WWOX: variants seen among roughly 807,000 people sequenced by gnomAD.
WWOX encodes WW domain containing oxidoreductase.
WWOX carries 69 observed loss-of-function variants against 46.2 expected under a neutral mutation model. The ratio of observed to expected loss-of-function variants is 1.49; its 90% confidence interval spans 1.23 to 1.82. The LOEUF is 1.82. Ranked by LOEUF, WWOX falls within the 40% of genes most tolerant of loss-of-function variation. The pLI, the probability that WWOX is intolerant of heterozygous loss-of-function variation, is 0.00. For synonymous variants in WWOX, 359 were observed against 202.6 expected (o/e 1.77, Z -6.56); for missense variants, 919 against 542.6 (o/e 1.69, Z -6.89).
intron 8 of WWOX, among the ~76,000 whole-genome samples, chr16:78,790,340 G>C (rs552063589): frequency 2.0e-5 from 3 of 151,730 alleles, no homozygotes; most frequent in African/African-American, 7.3e-5. Context: ...TCATCATGTT[G>C]GCCAGGCTGC....
At chr16:78,863,974 C>T (rs1272396613) in intron 8 of WWOX, among the ~76,000 whole-genome samples, 1 of 152,088 alleles carries the variant, frequency 6.6e-6, no homozygotes, top group Admixed American at 6.6e-5. Flanking sequence ...ATGGATATAC[C>T]AAATATTTTT....
chr16:78,208,370 G>T (rs547059554), intron 5 of WWOX, among the ~76,000 whole-genome samples: 1 of 152,002 alleles, frequency 6.6e-6, no homozygotes, highest in Non-Finnish European at 1.5e-5. Context: ...GGTCCTTTAG[G>T]AGTCATAAAA....
rs547314197 is a variant in WWOX, at chr16:78,169,159, C to A, written c.516+4870C>A. Among the ~76,000 whole-genome samples the A allele has an allele frequency of 2.6e-5, 4 of 152,308 alleles. No homozygotes were observed. In the South Asian group the frequency reaches 8.3e-4, roughly 32 times the overall value. ...CATTCACATCCTTATGTGAATTATA[C>A]ACTGGTGCCCTCACCTCTTAAGACA... On this transcript the variant is annotated intron_variant, in intron 5 of 8. Transcript: ENST00000566780.
chr16:78,335,250 C>G (rs76302562), intron 5 of WWOX, among the ~76,000 whole-genome samples: 118 of 152,278 alleles, frequency 7.7e-4, no homozygotes, highest in African/African-American at 2.7e-3. Flanking sequence ...TGAAGCCCAG[C>G]GTCCATTAGC....
At chr16:79,153,524 A>C (rs930782882) in intron 8 of WWOX, among the ~76,000 whole-genome samples, 1 of 152,156 alleles carries the variant, frequency 6.6e-6, no homozygotes, top group Non-Finnish European at 1.5e-5. Context: ...ACGGCAATGC[A>C]CTTGTGGAAA....
At chr16:78,381,164 C>T (rs764023501) in intron 5 of WWOX, among the ~76,000 whole-genome samples, 1 of 152,192 alleles carries the variant, frequency 6.6e-6, no homozygotes, top group Non-Finnish European at 1.5e-5. Flanking sequence ...ATACCACACA[C>T]TCCCCATATG....
At chr16:79,179,342 C>G (rs12716871) in intron 8 of WWOX, among the ~76,000 whole-genome samples, 87,684 of 152,014 alleles carry the variant, frequency 0.58, 26,628 homozygotes, top group East Asian at 0.9. Flanking sequence ...GAGAGGTACT[C>G]TTAGCAAATC....
At chr16:79,036,487 A>C (rs1046155091) in intron 8 of WWOX, among the ~76,000 whole-genome samples, 2 of 152,192 alleles carry the variant, frequency 1.3e-5, no homozygotes, top group African/African-American at 4.8e-5. Context: ...AAACCCTCCT[A>C]TGGTGCAGCT....
At chr16:79,066,293 G>A (rs972130976) in intron 8 of WWOX, among the ~76,000 whole-genome samples, 1 of 151,988 alleles carries the variant, frequency 6.6e-6, no homozygotes, top group Admixed American at 6.6e-5. Context: ...GCTTCCTCCC[G>A]CACACTGAGC....
chr16:78,621,678 C>T (rs2046191305), intron 8 of WWOX, among the ~76,000 whole-genome samples: 1 of 137,068 alleles, frequency 7.3e-6, no homozygotes, highest in Admixed American at 7.9e-5. Flanking sequence ...CATCTCGGCT[C>T]ACCACGAGCT....
At chr16:78,646,237 C>G (rs1270176935) in intron 8 of WWOX, among the ~76,000 whole-genome samples, 27 of 152,082 alleles carry the variant, frequency 1.8e-4, no homozygotes, top group Admixed American at 1.8e-3. Flanking sequence ...CCAGGCTGAT[C>G]TCGGACTCCT....
chr16:79,192,652 GC>G (rs1449267131), intron 8 of WWOX, among the ~76,000 whole-genome samples: 4 of 152,148 alleles, frequency 2.6e-5, no homozygotes, highest in Non-Finnish European at 4.4e-5. Flanking sequence ...TACAAGTGGA[GC>G]CTTTCCCTCA....
At chr16:78,229,604 G>C (rs144480239) in intron 5 of WWOX, among the ~76,000 whole-genome samples, 88 of 151,632 alleles carry the variant, frequency 5.8e-4, no homozygotes, top group African/African-American at 2.0e-3. Context: ...AGCTTGAGGC[G>C]ATGGTAGTTT....
At chr16:78,881,510 G>A (rs2044343081) in intron 8 of WWOX, among the ~76,000 whole-genome samples, 2 of 152,114 alleles carry the variant, frequency 1.3e-5, no homozygotes, top group Non-Finnish European at 1.5e-5. Context: ...AAACAATTTC[G>A]GAGGGCCAAC....
intron 8 of WWOX, among the ~76,000 whole-genome samples, chr16:79,178,323 A>G (rs1199728322): frequency 6.6e-6 from 1 of 152,092 alleles, no homozygotes; most frequent in African/African-American, 2.4e-5. Flanking sequence ...TAATTAGTTA[A>G]TATTATTGAT....
intron 5 of WWOX, among the ~76,000 whole-genome samples, chr16:78,201,553 AAG>A (rs1199661239): frequency 2.2e-4 from 34 of 152,266 alleles, no homozygotes; most frequent in African/African-American, 7.9e-4. Context: ...TCCCTTCTGG[AAG>A]AGAGTCCTAC....
chr16:78,923,242 A>C (rs1050270636), intron 8 of WWOX, among the ~76,000 whole-genome samples: 1 of 152,062 alleles, frequency 6.6e-6, no homozygotes, highest in Non-Finnish European at 1.5e-5. Flanking sequence ...CGGCCTCCCA[A>C]AGCACTGGGA....
rs1244391951 is a variant in WWOX at position 78,647,018 on chromosome 16, G to A, written c.1056+214266G>A. ...GGCCCAGATATACAGATGTCATCAA[G>A]AGTCTTTCTCTTCCTTTTGAGCCCA... On this transcript the variant is annotated intron_variant, in intron 8 of 8. Transcript: ENST00000566780. Among the ~76,000 whole-genome samples the A allele has an allele frequency of 2.6e-5, 4 of 152,138 alleles. No individual in the cohort carries two copies. The South Asian group carries it at 6.2e-4, about 24-fold the overall frequency.
intron 8 of WWOX, among the ~76,000 whole-genome samples, chr16:78,505,556 G>A (rs2085176116): frequency 6.6e-6 from 1 of 152,176 alleles, no homozygotes; most frequent in South Asian, 2.1e-4. Flanking sequence ...CTCTAGAGAA[G>A]TGCTGGGCTA....
Sources: gnomAD v4.1 joint callset for allele counts (sites outside exome capture counted in the v4.1 genomes callset) on GRCh38, gnomAD v4.1.1 for gene constraint, MANE v1.5 for transcripts, NCBI Gene and HGNC (gene_info 2026-07-23, HGNC 2026-07-21) for gene names.